FBXO4: variants seen among roughly 807,000 people sequenced by gnomAD.
The protein encoded by FBXO4 is F-box protein 4.
FBXO4 carries 36 observed loss-of-function variants against 43.7 expected under a neutral mutation model. The observed-to-expected ratio is 0.82, with a 90% CI of 0.63 to 1.09. FBXO4 has a LOEUF of 1.09. Among genes scored for constraint, FBXO4 ranks in the 50% least tolerant of loss-of-function variants. The pLI, the probability that FBXO4 is intolerant of heterozygous loss-of-function variation, is 0.00. For missense variants in FBXO4, 435 were observed against 474.1 expected (o/e 0.92, Z 0.77); for synonymous variants, 180 against 165.6 (o/e 1.09, Z -0.67).
chr5:42,008,951 T>C, the FBXO4 span, among the ~76,000 whole-genome samples: 1 of 152,174 alleles, frequency 6.6e-6, no homozygotes, highest in African/African-American at 2.4e-5. Context: ...CATTTTCTCT[T>C]TTCTAGAGAG....
the FBXO4 span, among the ~76,000 whole-genome samples, chr5:42,023,732 T>C: frequency 6.6e-6 from 1 of 151,924 alleles, no homozygotes; most frequent in African/African-American, 2.4e-5. Flanking sequence ...AACCCCCATC[T>C]GCTTGTATTA....
the FBXO4 span, among the ~76,000 whole-genome samples, chr5:41,986,175 T>C: frequency 6.6e-6 from 1 of 152,142 alleles, no homozygotes; most frequent in Non-Finnish European, 1.5e-5. Context: ...AGTTCAAAGA[T>C]AATTTAAAGG....
At chr5:42,013,223 T>C in the FBXO4 span, among the ~76,000 whole-genome samples, 3 of 152,060 alleles carry the variant, frequency 2.0e-5, no homozygotes, top group African/African-American at 7.2e-5. Context: ...AAGGCTGCAG[T>C]GAGCCACAAT....
the FBXO4 span, chr5:41,967,579 A>AT: frequency 3.6e-5 from 40 of 1,120,750 alleles, no homozygotes; most frequent in African/African-American, 5.2e-4. Flanking sequence ...GCATTACAAC[A>AT]TTTTTTGACC....
At chr5:41,998,382 C>A in the FBXO4 span, among the ~76,000 whole-genome samples, 1 of 152,146 alleles carries the variant, frequency 6.6e-6, no homozygotes, top group African/African-American at 2.4e-5. Flanking sequence ...ACCCTCCCAG[C>A]GGGGATGAGT....
At chr5:42,028,849 C>A in the FBXO4 span, among the ~76,000 whole-genome samples, 2 of 151,644 alleles carry the variant, frequency 1.3e-5, no homozygotes, top group Non-Finnish European at 2.9e-5. Context: ...CTTTGTCTCC[C>A]GCTTTTTACC....
At chr5:41,930,429 G>T (rs1414843996) in intron 3 of FBXO4, among the ~76,000 whole-genome samples, 1 of 152,188 alleles carries the variant, frequency 6.6e-6, no homozygotes, top group Non-Finnish European at 1.5e-5. Context: ...TAGGGATGCA[G>T]ATTTAGAACA....
chr5:41,970,051 T>C, the FBXO4 span, among the ~76,000 whole-genome samples: 1 of 152,152 alleles, frequency 6.6e-6, no homozygotes, highest in Admixed American at 6.5e-5. Flanking sequence ...TTGGTTGTTA[T>C]ATATAGGCAT....
chr5:41,998,021 A>G, the FBXO4 span, among the ~76,000 whole-genome samples: 6 of 152,196 alleles, frequency 3.9e-5, no homozygotes, highest in African/African-American at 1.4e-4. Flanking sequence ...TATACAACTT[A>G]GGTAGGGATG....
the FBXO4 span, among the ~76,000 whole-genome samples, chr5:41,948,750 T>G: frequency 2.6e-5 from 4 of 152,226 alleles, no homozygotes; most frequent in Non-Finnish European, 5.9e-5. Context: ...TACAATTTTT[T>G]TCTGCTATAA....
chr5:42,011,830 C>T, the FBXO4 span, among the ~76,000 whole-genome samples: 1 of 152,154 alleles, frequency 6.6e-6, no homozygotes, highest in African/African-American at 2.4e-5. Context: ...CCAATGGCTT[C>T]TATCATTTAT....
the FBXO4 span, among the ~76,000 whole-genome samples, chr5:41,948,681 A>G: frequency 6.6e-6 from 1 of 152,214 alleles, no homozygotes; most frequent in Non-Finnish European, 1.5e-5. Flanking sequence ...AAATTAAGAT[A>G]GTCTTTCATA....
At chr5:41,959,022 A>G in the FBXO4 span, among the ~76,000 whole-genome samples, 4 of 152,172 alleles carry the variant, frequency 2.6e-5, no homozygotes, top group Non-Finnish European at 5.9e-5. Flanking sequence ...CCAACAACAT[A>G]CAAAAGTTCT....
At chr5:41,936,942 G>T (rs1241747028) in intron 5 of FBXO4, among the ~76,000 whole-genome samples, 1 of 151,908 alleles carries the variant, frequency 6.6e-6, no homozygotes, top group Non-Finnish European at 1.5e-5. Flanking sequence ...CTATTGCAGT[G>T]CAAAAGCAGC....
chr5:42,026,060 G>T, the FBXO4 span, among the ~76,000 whole-genome samples: 1 of 151,500 alleles, frequency 6.6e-6, no homozygotes, highest in South Asian at 2.1e-4. Context: ...GTATTGTTTT[G>T]TCTATTTCTG....
At chr5:41,926,466 G>A (rs1290194441) in intron 1 of FBXO4, among the ~76,000 whole-genome samples, 1 of 152,182 alleles carries the variant, frequency 6.6e-6, no homozygotes, top group Non-Finnish European at 1.5e-5. Flanking sequence ...CCAGCTACTT[G>A]GGAGGCTGAG....
chr5:42,025,817 G>T, the FBXO4 span, among the ~76,000 whole-genome samples: 1 of 151,800 alleles, frequency 6.6e-6, no homozygotes, highest in African/African-American at 2.4e-5. Flanking sequence ...CCCAGTATTT[G>T]TTCTTGGCAT....
At chr5:42,034,429 G>A in the FBXO4 span, among the ~76,000 whole-genome samples, 3 of 152,118 alleles carry the variant, frequency 2.0e-5, no homozygotes, top group Non-Finnish European at 4.4e-5. Context: ...TCGTCATGAA[G>A]TCTTTGTCCA....
the FBXO4 span, among the ~76,000 whole-genome samples, chr5:42,034,858 T>C: frequency 3.3e-5 from 5 of 152,104 alleles, no homozygotes; most frequent in Non-Finnish European, 5.9e-5. Flanking sequence ...GCTCTTTTTT[T>C]TCCATGTGAA....
Sources: gnomAD v4.1 joint callset for allele counts (sites outside exome capture counted in the v4.1 genomes callset) on GRCh38, gnomAD v4.1.1 for gene constraint, MANE v1.5 for transcripts, NCBI Gene and HGNC (gene_info 2026-07-23, HGNC 2026-07-21) for gene names.